HINT1: variants seen among roughly 807,000 people sequenced by gnomAD.
HINT1 encodes the protein adenosine 5'-monophosphoramidase HINT1.
A neutral mutation model predicts 11.2 loss-of-function variants in HINT1; 12 were observed. The ratio of observed to expected loss-of-function variants is 1.07; its 90% CI spans 0.69 to 1.74. The LOEUF (loss-of-function observed/expected upper bound fraction) is 1.74, where lower values mean the gene tolerates loss of function less well. HINT1 is among the 40% of genes most tolerant of loss of function. The probability of loss-of-function intolerance (pLI) is 0.00; values close to 1 mark genes in which losing one functional copy is unlikely to be tolerated. For missense variants in HINT1, 150 were observed against 161.8 expected, an observed-to-expected ratio of 0.93 and a Z score of 0.40; for synonymous variants, 42 against 52.6, an observed-to-expected ratio of 0.80 and a Z score of 0.87.
intron 1 of HINT1, among the ~76,000 whole-genome samples, chr5:131,163,226 C>T (rs1312834029): frequency 6.6e-6 from 1 of 152,194 alleles, no homozygotes; most frequent in Non-Finnish European, 1.5e-5. Flanking sequence ...ATGATCATTA[C>T]AGGAAAAGCC....
At chr5:131,161,715 T>C (rs1011568893) in intron 2 of HINT1, among the ~76,000 whole-genome samples, 2 of 152,246 alleles carry the variant, frequency 1.3e-5, no homozygotes, top group African/African-American at 2.4e-5. Flanking sequence ...TACAAATATA[T>C]TGAATTAAAA....
intron 2 of HINT1, chr5:131,160,894 A>G (rs1046213386): frequency 2.2e-6 from 1 of 453,666 alleles, no homozygotes; most frequent in African/African-American, 2.0e-5. Flanking sequence ...ACTGTAGGTT[A>G]ACGTTAAGTG....
intron 2 of HINT1, among the ~76,000 whole-genome samples, chr5:131,161,612 GA>G (rs931324255): frequency 3.4e-5 from 5 of 147,222 alleles, no homozygotes; most frequent in African/African-American, 1.2e-4. Context: ...AAAAAAAAAA[GA>G]AAAAAATGTA....
chr5:131,163,116 C>T (rs1180504992), intron 1 of HINT1, among the ~76,000 whole-genome samples: 2 of 152,114 alleles, frequency 1.3e-5, no homozygotes, highest in Non-Finnish European at 2.9e-5. Flanking sequence ...GGATTACAGG[C>T]GTGAGCTACT....
At chr5:131,159,656 T>C in intron 2 of HINT1, 45 bp from the exon 3 acceptor site, 1 of 1,549,910 alleles carries the variant, frequency 6.5e-7, no homozygotes, top group Non-Finnish European at 8.8e-7. Context: ...AATTTATTAC[T>C]TCTTGCCATT....
chr5:131,165,063 A>C (rs1459457682), intron 1 of HINT1, 32 bp downstream of exon 1: 1 of 1,612,972 alleles, frequency 6.2e-7, no homozygotes, highest in Non-Finnish European at 8.5e-7. Context: ...TACCCACCTC[A>C]GCAGGCGAGA....
chr5:131,160,097 G>T (rs1258907273), intron 2 of HINT1, among the ~76,000 whole-genome samples: 2 of 151,916 alleles, frequency 1.3e-5, no homozygotes, highest in Admixed American at 1.3e-4. Context: ...TGGGCAATCT[G>T]CCCACCTTAA....
intron 1 of HINT1, among the ~76,000 whole-genome samples, chr5:131,163,030 T>C (rs1755297837): frequency 6.6e-6 from 1 of 151,766 alleles, no homozygotes; most frequent in Non-Finnish European, 1.5e-5. Context: ...AGAGACGGGG[T>C]TTCACCATGT....
At chr5:131,164,322 T>G (rs979715575) in intron 1 of HINT1, among the ~76,000 whole-genome samples, 2 of 152,194 alleles carry the variant, frequency 1.3e-5, no homozygotes, top group African/African-American at 4.8e-5. Flanking sequence ...CAACAAAAAC[T>G]ACAGTCTTAG....
At position 131,165,241 on chromosome 5, in the gene HINT1, G is replaced by A; in HGVS notation, c.-36C>T. The A allele has an allele frequency of 6.3e-7, 1 of 1,594,244 alleles. No homozygotes were observed. ...CTCCCGCGCGGCGGCCAGAGGAGAG[G>A]CTCGGAAGAAGGGAGGAACCCGCAG... On this transcript the variant is annotated 5_prime_UTR_variant, in exon 1 of 3. Transcript: ENST00000304043.
At chr5:131,160,687 T>C in intron 2 of HINT1, 2 of 1,235,228 alleles carry the variant, frequency 1.6e-6, no homozygotes, top group Non-Finnish European at 2.1e-6. Flanking sequence ...ATTGTACAGA[T>C]GGACAATGGA....
At position 131,162,665 on chromosome 5, in the gene HINT1, G is replaced by C. The variant is rs759762924; in HGVS notation, c.123C>G (p.Phe41Leu). 1.9e-6 allele frequency: 3 copies of C among 1,605,240 alleles called. No individual in the cohort carries two copies. Among genetic ancestry groups the C allele is most frequent in the Non-Finnish European group, 2.6e-6 (3 of 1,172,768 alleles). ...TTGGTGCTTGAGGGGAAATGTCATG[G>C]AAAGCAAGGCACTAGGGAAAAGAGA... ...IIFEDDRCLAFHDISPQAPTH... is the reference protein window; with the variant it reads ...IIFEDDRCLALHDISPQAPTH... Residue 41 changes from phenylalanine to leucine, a missense_variant, in exon 2 of 3, where the codon TTC becomes TTG. Transcript: ENST00000304043.
In HINT1 at chr5:131,162,236, T is replaced by C. The variant is rs111439601; in HGVS notation, c.216+336A>G. 0.03 allele frequency: 17,119 copies of C among 569,654 alleles called. 1,233 individuals carry two copies. The highest frequency in any genetic ancestry group is 0.21 in the African/African-American group (10,796 of 52,300). The allele number at this position is 569,654 out of a possible 1,614,324, so 35.3% of individuals were successfully genotyped here. A position where few individuals can be genotyped will look rare whatever the true frequency, so the allele number is the denominator to read the frequency against. ...TACTCGGGAGGCTGAGGCAGGAGAA[T>C]GGTGTGAACCAGGGAGGTGGAGCTT... On this transcript the variant is annotated intron_variant, in intron 2 of 2. Transcript: ENST00000304043.
intron 2 of HINT1, among the ~76,000 whole-genome samples, chr5:131,161,893 C>G (rs952815894): frequency 1.3e-5 from 2 of 152,138 alleles, no homozygotes; most frequent in African/African-American, 4.8e-5. Flanking sequence ...ACAGCTAGAC[C>G]AACCCCTCGT....
At chr5:131,162,403 A>G in intron 2 of HINT1, 169 bp downstream of exon 2, 1 of 1,374,804 alleles carries the variant, frequency 7.3e-7, no homozygotes, top group Middle Eastern at 1.8e-4. Context: ...GGGATACAAA[A>G]TGATGCAGTA....
At chr5:131,163,795 C>T (rs1755317384) in intron 1 of HINT1, among the ~76,000 whole-genome samples, 1 of 152,112 alleles carries the variant, frequency 6.6e-6, no homozygotes, top group Non-Finnish European at 1.5e-5. Flanking sequence ...TGAATATTTT[C>T]GAATCTCTTG....
intron 1 of HINT1, among the ~76,000 whole-genome samples, chr5:131,163,132 C>A (rs955923082): frequency 6.6e-6 from 1 of 152,114 alleles, no homozygotes; most frequent in African/African-American, 2.4e-5. Context: ...CTACTGCACC[C>A]GGACTCCATG....
At chr5:131,162,813 C>T (rs1755292664) in intron 1 of HINT1, 137 bp from the exon 2 acceptor site, 2 of 605,736 alleles carry the variant, frequency 3.3e-6, no homozygotes, top group Non-Finnish European at 5.8e-6. Flanking sequence ...GTACACATTA[C>T]GAATGGTGCC....
At chr5:131,162,843 T>G (rs2149653304) in intron 1 of HINT1, among the ~76,000 whole-genome samples, 167 bp from the exon 2 acceptor site, 1 of 151,906 alleles carries the variant, frequency 6.6e-6, no homozygotes, top group South Asian at 2.1e-4. Context: ...TCCATGGAAG[T>G]CTTTTTTTTT....
Sources: allele counts gnomAD v4.1 joint callset (sites outside exome capture counted in the v4.1 genomes callset), GRCh38; gene constraint gnomAD v4.1.1; transcripts MANE v1.5; gene names NCBI Gene and HGNC (gene_info 2026-07-23, HGNC 2026-07-21).